RASIP1: variants seen among roughly 807,000 people sequenced by gnomAD.
RASIP1 encodes ras-interacting protein 1.
Under a neutral mutation model 85.3 loss-of-function variants are expected in RASIP1, and 20 were observed. The ratio of observed to expected loss-of-function variants is 0.23; its 90% CI spans 0.17 to 0.34. RASIP1 has a LOEUF of 0.34. Among genes scored for constraint, RASIP1 ranks in the 10% least tolerant of loss-of-function variants. RASIP1 has a pLI of 1.00. For synonymous variants in RASIP1, 617 were observed against 647.1 expected (o/e 0.95, Z 0.71); for missense variants, 1,170 against 1,390.9 (o/e 0.84, Z 2.53).
chr19:48,720,657 G>C lies in RASIP1; in HGVS notation c.*141C>G. 2 of 915,456 alleles carry C rather than the reference G, an allele frequency of 2.2e-6. No individual in the cohort carries two copies. The highest frequency in any genetic ancestry group is 3.4e-6 in the Non-Finnish European group (2 of 581,038). 56.7% of individuals were successfully genotyped at this position (915,456 alleles called of 1,614,324 possible). On this transcript the variant is annotated 3_prime_UTR_variant, in exon 12 of 12. Transcript: ENST00000222145. ...AGCCCATGCTCCCACCGTCCCATCC[G>C]CTACTTCCCGAAAACTCAATCTCCC...
chr19:48,739,202 C>T lies in RASIP1; in HGVS notation c.581G>A (p.Gly194Asp). The T allele has an allele frequency of 6.8e-7, 1 of 1,479,188 alleles. No homozygotes were observed. The highest frequency in any genetic ancestry group is 8.9e-7 in the Non-Finnish European group (1 of 1,122,130). The allele number at this position is 1,479,188 out of a possible 1,614,324, so 91.6% of individuals were successfully genotyped here. A position where few individuals can be genotyped will look rare whatever the true frequency, so the allele number is the denominator to read the frequency against. The stretch of plus-strand genomic sequence containing the variant: ...GAAGGCGTCCACGCAGCTGCTCTCG[C>T]CGGGGCCACCGCCGGGGCTGCCTGC... ...GLAGSPGGGP[G>D]ESSCVDAFAL... is the part of the protein sequence containing the mutation. The change falls in exon 3 of 12, where the codon GGC becomes GAC. Residue 194 changes from glycine (G) to aspartate (D), a missense_variant. Physicochemically the swap from Gly to Asp is moderately conservative, Grantham distance 94. Coordinates refer to ENST00000222145, the MANE Select transcript of RASIP1 (RefSeq NM_017805.3). The surrounding 1 kb of genome is among the most constrained non-coding windows in gnomAD (Gnocchi z 9.2).
chr19:48,737,116 A>T (rs1201863690), intron 3 of RASIP1, among the ~76,000 whole-genome samples: 1 of 152,194 alleles, frequency 6.6e-6, no homozygotes, highest in African/African-American at 2.4e-5. Context: ...TACTTTGTCG[A>T]GGGGGTGGCG....
At chr19:48,733,042 T>A (rs762705719) in intron 4 of RASIP1, among the ~76,000 whole-genome samples, 2 of 152,148 alleles carry the variant, frequency 1.3e-5, no homozygotes, top group Non-Finnish European at 2.9e-5. Context: ...AATGAATATT[T>A]CCAATAACAC....
chr19:48,722,070 T>G, intron 10 of RASIP1, 69 bp from the exon 11 acceptor site: 1 of 1,325,118 alleles, frequency 7.5e-7, no homozygotes, highest in African/African-American at 1.5e-5. Context: ...TGGAAGGGCT[T>G]CCATAAGGGG....
In RASIP1 at chr19:48,729,152, C is replaced by G. The variant is rs1370738395; in HGVS notation, c.1618G>C (p.Gly540Arg). 7.6e-7 allele frequency: 1 copy of G among 1,320,608 alleles called. No individual in the cohort carries two copies. Among genetic ancestry groups the G allele is most frequent in the Non-Finnish European group, 9.7e-7 (1 of 1,033,496 alleles). 81.8% of individuals were successfully genotyped at this position (1,320,608 alleles called of 1,614,324 possible). A position where few individuals can be genotyped will look rare whatever the true frequency, so the allele number is the denominator to read the frequency against. Residue 540 changes from glycine to arginine, a missense_variant, in exon 5 of 12, where the codon GGC (glycine) becomes CGC (arginine). By Grantham distance (125) the Gly-to-Arg change is moderately radical. Around this residue, in one of 4 missense-constraint regions of RASIP1, gnomAD observed 426 missense variants for 576.2 expected, o/e 0.74. Transcript: ENST00000222145. ...CGGAAGCGCAGGACTGGCTCACGGCCGTCCAGGTAGGCGGCCAGTGCCTCG... is the reference window on the plus strand; with the variant it reads ...CGGAAGCGCAGGACTGGCTCACGGCGGTCCAGGTAGGCGGCCAGTGCCTCG... ...RGEALAAYLD[G>R]REPVLRFRPR...
intron 6 of RASIP1, 43 bp downstream of exon 6, chr19:48,727,350 C>T (rs560846846): frequency 1.2e-6 from 2 of 1,605,702 alleles, no homozygotes; most frequent in East Asian, 2.2e-5. Flanking sequence ...CAAAACCCAA[C>T]CCCTGCATCC....
intron 10 of RASIP1, 78 bp from the exon 11 acceptor site, chr19:48,722,079 G>A (rs1469556853): frequency 5.4e-6 from 7 of 1,303,900 alleles, no homozygotes; most frequent in Admixed American, 2.7e-5. Flanking sequence ...TTCCATAAGG[G>A]GAGTGGGTGT....
Position 48,739,538 on chromosome 19 carries a change from G to C in RASIP1, c.245C>G (p.Ser82Cys), listed in dbSNP as rs1313766154. 1 of 1,515,760 alleles carries C rather than the reference G, an allele frequency of 6.6e-7. No individual in the cohort carries two copies. The highest frequency in any genetic ancestry group is 1.4e-5 in the African/African-American group (1 of 71,420). 93.9% of individuals were successfully genotyped at this position (1,515,760 alleles called of 1,614,324 possible). ...VGAVKAAGGA[S>C]GSRAKRISQL... ...GGAGATGCGCTTGGCGCGGCTACCGGAGGCTCCCCCGGCCGCCTTGACAGC... is the reference window on the plus strand; with the variant it reads ...GGAGATGCGCTTGGCGCGGCTACCGCAGGCTCCCCCGGCCGCCTTGACAGC... Residue 82 changes from serine to cysteine, a missense_variant, in exon 3 of 12, where the codon TCC becomes TGC. Physicochemically the swap from Ser to Cys is moderately radical, Grantham distance 112. Around this residue, in one of 4 missense-constraint regions of RASIP1, gnomAD observed 299 missense variants for 394.4 expected, o/e 0.76. Transcript: ENST00000222145. The surrounding 1 kb of genome is among the most constrained non-coding windows in gnomAD (Gnocchi z 9.2).
chr19:48,720,637 A>G lies in RASIP1; in HGVS notation c.*161T>C. On this transcript the variant is annotated 3_prime_UTR_variant, in exon 12 of 12. Transcript: ENST00000222145. ...TCCCTGGCATTCACATCCTAAGCCC[A>G]TGCTCCCACCGTCCCATCCGCTACT... 2.6e-6 allele frequency: 2 copies of G among 761,046 alleles called. No individual in the cohort carries two copies. The highest frequency in any genetic ancestry group is 2.5e-5 in the East Asian group (1 of 40,246). The allele number at this position is 761,046 out of a possible 1,614,324, so 47.1% of individuals were successfully genotyped here. A position where few individuals can be genotyped will look rare whatever the true frequency, so the allele number is the denominator to read the frequency against.
intron 4 of RASIP1, among the ~76,000 whole-genome samples, chr19:48,731,047 G>A (rs2033448853): frequency 6.6e-6 from 1 of 152,028 alleles, no homozygotes; most frequent in African/African-American, 2.4e-5. Context: ...GACCAAGGCC[G>A]GCAGATCACC....
chr19:48,739,477 C>A lies in RASIP1; in HGVS notation c.306G>T (p.Gly102=), dbSNP rs1340634114. Residue 102 remains glycine, a synonymous_variant, in exon 3 of 12, where the codon GGG becomes GGT. Transcript: ENST00000222145. The surrounding 1 kb of genome is among the most constrained non-coding windows in gnomAD (Gnocchi z 9.2). ...LFRGSGTGTT[G]SSGAGGPGTP... ...TCCCAGGGCCTCCTGCGCCGCTGGA[C>A]CCCGTGGTCCCGGTCCCCGAGCCCC... 2 of 1,490,528 alleles carry A rather than the reference C, an allele frequency of 1.3e-6. No individual in the cohort carries two copies. Among genetic ancestry groups the A allele is most frequent in the Admixed American group, 4.3e-5 (2 of 46,118 alleles). 92.3% of individuals were successfully genotyped at this position (1,490,528 alleles called of 1,614,324 possible). A position where few individuals can be genotyped will look rare whatever the true frequency, so the allele number is the denominator to read the frequency against.
Position 48,738,720 on chromosome 19 carries a change from A to C in RASIP1, c.823+240T>G. 2.6e-6 allele frequency: 1 copy of C among 387,218 alleles called. No individual in the cohort carries two copies. The highest frequency in any genetic ancestry group is 4.2e-6 in the Non-Finnish European group (1 of 240,682). 24.0% of individuals were successfully genotyped at this position (387,218 alleles called of 1,614,324 possible). ...CTAAGCCCCAAGCTTGGCCCCTGTA[A>C]AACTCCTGCTCAATCAACAAGCCCC... On this transcript the variant is annotated intron_variant, in intron 3 of 11. Coordinates refer to ENST00000222145, the MANE Select transcript of RASIP1 (RefSeq NM_017805.3). This position sits in a 1 kb window ranked among gnomAD's most constrained non-coding sequence, Gnocchi z 4.0.
chr19:48,740,110 G>A lies in RASIP1; in HGVS notation c.137+36C>T. 2 of 1,541,174 alleles carry A rather than the reference G, an allele frequency of 1.3e-6. No individual in the cohort carries two copies. Among genetic ancestry groups the A allele is most frequent in the Non-Finnish European group, 1.7e-6 (2 of 1,148,640 alleles). On this transcript the variant is annotated intron_variant, in intron 2 of 11. Transcript: ENST00000222145. This position sits in a 1 kb window ranked among gnomAD's most constrained non-coding sequence, Gnocchi z 5.5. ...GAACAGGGACAGATGGGAAGCAGGT[G>A]TGCAGGGGCAGGAGTCCTGCAGAGA...
chr19:48,729,138 G>C lies in RASIP1; in HGVS notation c.1632C>G (p.Val544=). ...LAAYLDGREP[V]LRFRPREEEA... ...CCTCCTCGCGCGGCCGGAAGCGCAG[G>C]ACTGGCTCACGGCCGTCCAGGTAGG... The change falls in exon 5 of 12, where the codon GTC becomes GTG. Residue 544 remains valine, a synonymous_variant. Transcript: ENST00000222145. 1 of 1,355,816 alleles carries C rather than the reference G, an allele frequency of 7.4e-7. No homozygotes were observed. The highest frequency in any genetic ancestry group is 9.5e-7 in the Non-Finnish European group (1 of 1,055,916). 84.0% of individuals were successfully genotyped at this position (1,355,816 alleles called of 1,614,324 possible).
intron 8 of RASIP1, 53 bp downstream of exon 8, chr19:48,726,732 G>A (rs1449552758): frequency 1.2e-5 from 16 of 1,369,402 alleles, no homozygotes; most frequent in African/African-American, 2.9e-5. Context: ...GTGATATTAC[G>A]TGAAACAGGA....
At position 48,724,478 on chromosome 19, in the gene RASIP1, T is replaced by G. The variant is rs755394259; in HGVS notation, c.2403A>C (p.Arg801=). 6.2e-7 allele frequency: 1 copy of G among 1,614,036 alleles called. No homozygotes were observed. The highest frequency in any genetic ancestry group is 8.5e-7 in the Non-Finnish European group (1 of 1,179,992). ...CCAGGTTGGTTCGGATTTGAACAGCTCGGGACCATTGATAGAAAGGCCGGC... is the reference window on the plus strand; with the variant it reads ...CCAGGTTGGTTCGGATTTGAACAGCGCGGGACCATTGATAGAAAGGCCGGC... The part of the protein sequence containing the change: ...GQGRPFYQWS[R]AVQIRTNLDL... The change falls in exon 10 of 12, where the codon CGA becomes CGC. Residue 801 remains arginine (R), a synonymous_variant. Coordinates refer to ENST00000222145, the MANE Select transcript of RASIP1 (RefSeq NM_017805.3). This position sits in a 1 kb window ranked among gnomAD's most constrained non-coding sequence, Gnocchi z 4.6.
chr19:48,735,042 G>A (rs1364868376), intron 4 of RASIP1, among the ~76,000 whole-genome samples, 154 bp downstream of exon 4: 4 of 152,126 alleles, frequency 2.6e-5, no homozygotes, highest in African/African-American at 9.7e-5. Flanking sequence ...TCCCTCTCCT[G>A]TGAATCTCTA....
At chr19:48,734,047 G>A (rs891627135) in intron 4 of RASIP1, among the ~76,000 whole-genome samples, 1 of 152,074 alleles carries the variant, frequency 6.6e-6, no homozygotes, top group Non-Finnish European at 1.5e-5. Flanking sequence ...AGTAATCCCA[G>A]CACTTTGGGA....
chr19:48,739,213 G>A lies in RASIP1; in HGVS notation c.570C>T (p.Gly190=). 1 of 1,480,626 alleles carries A rather than the reference G, an allele frequency of 6.8e-7. No homozygotes were observed. The allele number at this position is 1,480,626 out of a possible 1,614,324, so 91.7% of individuals were successfully genotyped here. A position where few individuals can be genotyped will look rare whatever the true frequency, so the allele number is the denominator to read the frequency against. ...LERYGLAGSP[G]GGPGESSCVD... is the part of the protein sequence containing the mutation. Reference sequence around the variant, plus strand: ...CGCAGCTGCTCTCGCCGGGGCCACCGCCGGGGCTGCCTGCTAGGCCGTAGC... The same window carrying A: ...CGCAGCTGCTCTCGCCGGGGCCACCACCGGGGCTGCCTGCTAGGCCGTAGC... Residue 190 remains glycine, a synonymous_variant, in exon 3 of 12, where the codon GGC becomes GGT. Coordinates refer to ENST00000222145, the MANE Select transcript of RASIP1 (RefSeq NM_017805.3). This position sits in a 1 kb window ranked among gnomAD's most constrained non-coding sequence, Gnocchi z 9.2.
Sources: allele counts gnomAD v4.1 joint callset (sites outside exome capture counted in the v4.1 genomes callset), GRCh38; gene constraint gnomAD v4.1.1; regional missense constraint gnomAD v4.1.1; non-coding constraint Gnocchi (gnomAD v3.1); transcripts MANE v1.5; gene names NCBI Gene and HGNC (gene_info 2026-07-23, HGNC 2026-07-21).